The following LNX1 variants were observed in gnomAD, a reference collection of about 807,000 sequenced individuals.
LNX1 encodes ligand of numb-protein X 1.
LNX1 carries 54 observed loss-of-function variants against 68.4 expected under a neutral mutation model. That is an observed-to-expected ratio of 0.79 (90% CI 0.63 to 0.99). The LOEUF is 0.99. Among genes scored for constraint, LNX1 ranks in the 50% least tolerant of loss-of-function variants. The pLI, the probability that LNX1 is intolerant of heterozygous loss-of-function variation, is 0.00. For missense variants in LNX1, 906 were observed against 926.4 expected, an observed-to-expected ratio of 0.98 and a Z score of 0.29; for synonymous variants, 336 against 350.0, an observed-to-expected ratio of 0.96 and a Z score of 0.45.
At chr4:53,633,398 G>A (rs1734350030) in intron 1 of LNX1, among the ~76,000 whole-genome samples, 1 of 151,840 alleles carries the variant, frequency 6.6e-6, no homozygotes, top group Non-Finnish European at 1.5e-5. Context: ...TCATATTATT[G>A]CTTCTTCCCA....
intron 1 of LNX1, among the ~76,000 whole-genome samples, chr4:53,629,475 A>G (rs1007263735): frequency 1.3e-5 from 2 of 152,210 alleles, no homozygotes; most frequent in Non-Finnish European, 2.9e-5. Flanking sequence ...GGCCCTGCCA[A>G]AGCTTGGGTT....
In LNX1 at chr4:53,488,488, G is replaced by A. The variant is rs184966655; in HGVS notation, c.1351-6634C>T. On this transcript the variant is annotated intron_variant, in intron 6 of 10. Coordinates refer to ENST00000263925, the MANE Select transcript of LNX1 (RefSeq NM_001126328.3). The stretch of plus-strand genomic sequence containing the variant: ...CTCGCTGTAATAAAGTTGTGTGTGT[G>A]CACATGCAGAATAGAACCCAGAAGA... Among the ~76,000 whole-genome samples the A allele has an allele frequency of 2.0e-5, 3 of 152,312 alleles. No individual in the cohort carries two copies. The East Asian group carries it at 5.8e-4, about 29-fold the overall frequency.
chr4:53,533,475 C>T (rs1183641053), intron 2 of LNX1, among the ~76,000 whole-genome samples: 3 of 152,130 alleles, frequency 2.0e-5, no homozygotes, highest in South Asian at 4.1e-4. Context: ...CTCAGCTCAC[C>T]GCAACTTTTG....
At chr4:53,620,514 G>T (rs796756888), upstream of LNX1, among the ~76,000 whole-genome samples, 83 of 152,268 alleles carry the variant, frequency 5.5e-4, no homozygotes, top group African/African-American at 1.9e-3. Flanking sequence ...CACAGTGTTA[G>T]GTGTTGGGTG....
intron 1 of LNX1, among the ~76,000 whole-genome samples, chr4:53,642,405 G>C (rs1165160532): frequency 2.0e-5 from 3 of 152,090 alleles, no homozygotes; most frequent in African/African-American, 7.2e-5. Flanking sequence ...CACTGGAAAT[G>C]ATATCAGGAT....
intron 9 of LNX1, among the ~76,000 whole-genome samples, chr4:53,472,692 A>AC (rs1176735545): frequency 2.8e-4 from 39 of 138,786 alleles, no homozygotes; most frequent in East Asian, 1.0e-3. Context: ...CAACAAAAAA[A>AC]AAAAAAACAA....
chr4:53,634,144 G>C (rs1734376412), intron 1 of LNX1, among the ~76,000 whole-genome samples: 1 of 151,994 alleles, frequency 6.6e-6, no homozygotes, highest in African/African-American at 2.4e-5. Flanking sequence ...CATTAGCCTT[G>C]TGCACCCAAT....
At chr4:53,498,886 G>A in intron 4 of LNX1, 43 bp from the exon 5 acceptor site, 1 of 1,449,286 alleles carries the variant, frequency 6.9e-7, no homozygotes, top group South Asian at 1.1e-5. Context: ...CCCACCCAAT[G>A]GACCTTTCCA....
At chr4:53,468,362 C>T (rs552817441) in intron 9 of LNX1, among the ~76,000 whole-genome samples, 9 of 152,306 alleles carry the variant, frequency 5.9e-5, no homozygotes, top group African/African-American at 2.2e-4. Flanking sequence ...TGGAAAGGAA[C>T]AACCGTTACC....
chr4:53,548,703 T>C (rs1414135188), intron 2 of LNX1, among the ~76,000 whole-genome samples: 2 of 152,226 alleles, frequency 1.3e-5, no homozygotes, highest in Non-Finnish European at 2.9e-5. Flanking sequence ...TAATTCATTC[T>C]ACTATAAAGA....
intron 1 of LNX1, among the ~76,000 whole-genome samples, chr4:53,622,812 A>C (rs1352553555): frequency 6.6e-6 from 1 of 152,230 alleles, no homozygotes; most frequent in Non-Finnish European, 1.5e-5. Context: ...GTGTTACCAG[A>C]AAGATTGCAC....
upstream of LNX1, among the ~76,000 whole-genome samples, chr4:53,596,110 G>A (rs763057241): frequency 3.1e-4 from 47 of 152,072 alleles, no homozygotes; most frequent in Non-Finnish European, 5.3e-4. Flanking sequence ...AATTATATGT[G>A]CTTAGCATAA....
At chr4:53,645,785 C>T (rs1734863094) in intron 1 of LNX1, among the ~76,000 whole-genome samples, 1 of 152,154 alleles carries the variant, frequency 6.6e-6, no homozygotes, top group African/African-American at 2.4e-5. Flanking sequence ...GGCATGTTGG[C>T]ATCTGTAGAA....
chr4:53,590,058 A>C (rs1732413689), intron 1 of LNX1, among the ~76,000 whole-genome samples: 1 of 152,204 alleles, frequency 6.6e-6, no homozygotes, highest in Non-Finnish European at 1.5e-5. Flanking sequence ...CCTTAGTAAG[A>C]GACAAGTGGT....
At chr4:53,492,536 A>AGAGAGAGAGAGAGAGAGAGAGG (rs1724765608) in intron 6 of LNX1, among the ~76,000 whole-genome samples, 2 of 151,438 alleles carry the variant, frequency 1.3e-5, no homozygotes, top group Admixed American at 6.6e-5. Flanking sequence ...AGAGAGAGAG[A>AGAGAGAGAGAGAGAGAGAGAGG]GAGAGAGTGG....
At chr4:53,511,290 T>C (rs2109532352) in intron 2 of LNX1, among the ~76,000 whole-genome samples, 1 of 152,336 alleles carries the variant, frequency 6.6e-6, no homozygotes, top group Admixed American at 6.5e-5. Context: ...TGGTGACTAA[T>C]ACTGGGGCAG....
intron 2 of LNX1, among the ~76,000 whole-genome samples, chr4:53,514,462 G>A (rs1726596493): frequency 6.6e-6 from 1 of 151,206 alleles, no homozygotes; most frequent in African/African-American, 2.4e-5. Context: ...GGAGCAAAGT[G>A]ACGTCTCATA....
intron 1 of LNX1, among the ~76,000 whole-genome samples, chr4:53,628,328 A>C (rs1734150627): frequency 6.6e-6 from 1 of 152,214 alleles, no homozygotes; most frequent in Admixed American, 6.5e-5. Context: ...AAAGTAGGCA[A>C]ATGGCATGAA....
Position 53,460,972 on chromosome 4 carries a change from G to T in LNX1, c.2122C>A (p.Leu708Met). The part of the protein sequence containing the change: ...SGMIHACLAR[L>M]LKELKGRITL... ...ATTCTTCCTTTAAGTTCTTTCAGCAGTCTTGCCAAGCAAGCATGTATCATT... is the reference window on the plus strand; with the variant it reads ...ATTCTTCCTTTAAGTTCTTTCAGCATTCTTGCCAAGCAAGCATGTATCATT... The change falls in exon 11 of 11, where the codon CTG (leucine) becomes ATG (methionine). Residue 708 changes from leucine (L) to methionine (M), a missense_variant. Coordinates refer to ENST00000263925, the MANE Select transcript of LNX1 (RefSeq NM_001126328.3). The T allele has an allele frequency of 6.2e-7, 1 of 1,609,652 alleles. No homozygotes were observed. The highest frequency in any genetic ancestry group is 8.5e-7 in the Non-Finnish European group (1 of 1,177,966).
Sources: allele counts gnomAD v4.1 joint callset (sites outside exome capture counted in the v4.1 genomes callset), GRCh38; gene constraint gnomAD v4.1.1; transcripts MANE v1.5; gene names NCBI Gene and HGNC (gene_info 2026-07-23, HGNC 2026-07-21).